Variants in DPP10 observed in about 807,000 individuals in gnomAD.
The protein encoded by DPP10 is dipeptidyl peptidase like 10.
DPP10 carries 33 observed loss-of-function variants against 120.9 expected under a neutral mutation model. The ratio of observed to expected loss-of-function variants is 0.27; its 90% CI spans 0.21 to 0.37. The LOEUF is 0.37. DPP10 is among the 10% of genes least tolerant of loss of function. DPP10 has a pLI of 1.00. For synonymous variants in DPP10, 337 were observed against 326.1 expected, an observed-to-expected ratio of 1.03 and a Z score of -0.36; for missense variants, 816 against 942.8, an observed-to-expected ratio of 0.87 and a Z score of 1.76.
intron 1 of DPP10, among the ~76,000 whole-genome samples, chr2:114,535,514 T>C (rs1573592881): frequency 6.6e-6 from 1 of 152,300 alleles, no homozygotes; most frequent in South Asian, 2.1e-4. Flanking sequence ...CACCCCCAAA[T>C]TATACACTTT....
intron 1 of DPP10, among the ~76,000 whole-genome samples, chr2:115,254,423 T>A (rs748877334): frequency 9.2e-5 from 14 of 152,166 alleles, no homozygotes; most frequent in Non-Finnish European, 1.8e-4. Flanking sequence ...TAATTCAAGA[T>A]GAGATTTGGG....
intron 3 of DPP10, among the ~76,000 whole-genome samples, chr2:115,360,680 C>T (rs528437647): frequency 1.3e-5 from 2 of 152,310 alleles, no homozygotes; most frequent in Admixed American, 6.5e-5. Context: ...ATTTCTTTAG[C>T]TCCAAGGGAG....
chr2:115,692,023 C>T (rs568536385), intron 7 of DPP10, among the ~76,000 whole-genome samples: 1 of 152,074 alleles, frequency 6.6e-6, no homozygotes, highest in African/African-American at 2.4e-5. Flanking sequence ...TCTGTGTAGA[C>T]TATTATGCTT....
At chr2:115,796,758 T>C (rs1462932192) in intron 19 of DPP10, among the ~76,000 whole-genome samples, 1 of 152,130 alleles carries the variant, frequency 6.6e-6, no homozygotes, top group Non-Finnish European at 1.5e-5. Flanking sequence ...AAGAGTGTCT[T>C]GCTGAGAATA....
chr2:114,992,808 A>G (rs1664557217), intron 1 of DPP10, among the ~76,000 whole-genome samples: 2 of 152,232 alleles, frequency 1.3e-5, no homozygotes, highest in African/African-American at 4.8e-5. Flanking sequence ...TGACATCAGA[A>G]GAATGTGGTA....
intron 1 of DPP10, among the ~76,000 whole-genome samples, chr2:114,872,047 AGCAAAGAGCTTT>A (rs1690729307): frequency 6.6e-6 from 1 of 152,222 alleles, no homozygotes. Context: ...GATTAACATT[AGCAAAGAGCTTT>A]GACTTCACAG....
intron 1 of DPP10, among the ~76,000 whole-genome samples, chr2:115,135,814 T>G (rs895522994): frequency 9.2e-5 from 14 of 152,190 alleles, no homozygotes; most frequent in African/African-American, 3.4e-4. Context: ...TGCAGAAGGT[T>G]TCTTGGCTTC....
At chr2:115,530,912 G>C (rs2078424145) in intron 5 of DPP10, among the ~76,000 whole-genome samples, 1 of 152,076 alleles carries the variant, frequency 6.6e-6, no homozygotes, top group Non-Finnish European at 1.5e-5. Context: ...TTGAATTTAA[G>C]TGAACTGATC....
At chr2:114,605,818 T>A (rs1039076771) in intron 1 of DPP10, among the ~76,000 whole-genome samples, 5 of 152,126 alleles carry the variant, frequency 3.3e-5, no homozygotes, top group Non-Finnish European at 5.9e-5. Flanking sequence ...AGGAACAGAC[T>A]TCAAAGTAAG....
At chr2:115,675,879 C>T (rs1450465076) in intron 5 of DPP10, among the ~76,000 whole-genome samples, 2 of 152,186 alleles carry the variant, frequency 1.3e-5, no homozygotes, top group African/African-American at 4.8e-5. Context: ...TGCATTTCCA[C>T]ATCCCTGGGG....
chr2:114,596,730 G>A (rs527442677), intron 1 of DPP10, among the ~76,000 whole-genome samples: 11 of 151,784 alleles, frequency 7.2e-5, no homozygotes, highest in Admixed American at 5.3e-4. Flanking sequence ...TGATAAAACT[G>A]AGGCAGAGAG....
intron 1 of DPP10, among the ~76,000 whole-genome samples, chr2:114,965,047 A>G (rs13000824): frequency 0.26 from 39,170 of 152,082 alleles, 5,102 homozygotes; most frequent in East Asian, 0.36. Context: ...ACAGGGGGCT[A>G]GAGTTGACAT....
chr2:115,130,728 T>C (rs1410363485), intron 1 of DPP10, among the ~76,000 whole-genome samples: 1 of 152,132 alleles, frequency 6.6e-6, no homozygotes, highest in Non-Finnish European at 1.5e-5. Context: ...ACACTAAACT[T>C]ATTTTCTCCC....
chr2:115,275,872 T>G (rs1252305502), intron 1 of DPP10, among the ~76,000 whole-genome samples: 1 of 151,898 alleles, frequency 6.6e-6, no homozygotes, highest in African/African-American at 2.4e-5. Flanking sequence ...GCTAATTTTT[T>G]TGTATTTTTT....
chr2:115,459,097 G>T (rs1204505251), intron 3 of DPP10, among the ~76,000 whole-genome samples: 2 of 151,836 alleles, frequency 1.3e-5, no homozygotes, highest in East Asian at 1.9e-4. Flanking sequence ...TACTGTTGGT[G>T]ATTTGGGTGG....
intron 3 of DPP10, among the ~76,000 whole-genome samples, chr2:115,374,468 C>A (rs749750364): frequency 6.6e-6 from 1 of 152,136 alleles, no homozygotes; most frequent in Non-Finnish European, 1.5e-5. Context: ...GTGCATGGTG[C>A]GTGCTGTTGG....
chr2:114,571,639 A>C (rs1689657228), intron 1 of DPP10, among the ~76,000 whole-genome samples: 1 of 152,096 alleles, frequency 6.6e-6, no homozygotes, highest in Non-Finnish European at 1.5e-5. Context: ...TCTCTACAGA[A>C]AAATGTGCTT....
intron 4 of DPP10, among the ~76,000 whole-genome samples, chr2:115,509,220 C>T (rs1001684547): frequency 1.3e-5 from 2 of 151,962 alleles, no homozygotes; most frequent in African/African-American, 4.8e-5. Flanking sequence ...TAGTGGATGG[C>T]CTAGGCTTGA....
At chr2:114,766,402 AT>A (rs751733816) in intron 1 of DPP10, among the ~76,000 whole-genome samples, 68 of 152,312 alleles carry the variant, frequency 4.5e-4, no homozygotes, top group Non-Finnish European at 8.8e-4. Flanking sequence ...AAAATTAAAT[AT>A]GCAATTACTA....
Sources: gnomAD v4.1 joint callset for allele counts (sites outside exome capture counted in the v4.1 genomes callset) on GRCh38, gnomAD v4.1.1 for gene constraint, MANE v1.5 for transcripts, NCBI Gene and HGNC (gene_info 2026-07-23, HGNC 2026-07-21) for gene names.